PLXDC2: variants seen among roughly 807,000 people sequenced by gnomAD.
The protein encoded by PLXDC2 is plexin domain-containing protein 2.
A neutral mutation model predicts 68.9 loss-of-function variants in PLXDC2; 40 were observed. That is an observed-to-expected ratio of 0.58 (90% CI 0.45 to 0.76). The LOEUF (loss-of-function observed/expected upper bound fraction) is 0.76, where lower values mean the gene tolerates loss of function less well. PLXDC2 is among the 30% of genes least tolerant of loss of function. PLXDC2 has a pLI of 0.00. For synonymous variants in PLXDC2, 243 were observed against 234.2 expected (o/e 1.04, Z -0.34); for missense variants, 644 against 661.9 (o/e 0.97, Z 0.30).
chr10:20,188,003 A>G (rs562398638), intron 9 of PLXDC2, among the ~76,000 whole-genome samples: 3 of 151,646 alleles, frequency 2.0e-5, no homozygotes, highest in East Asian at 1.9e-4. Flanking sequence ...TCAATACTCA[A>G]TTAAATATAT....
chr10:19,939,731 A>T (rs1265232938), intron 1 of PLXDC2, among the ~76,000 whole-genome samples: 1 of 152,208 alleles, frequency 6.6e-6, no homozygotes, highest in African/African-American at 2.4e-5. Context: ...CTTCCTTCAT[A>T]TAATGATGTG....
chr10:20,190,564 T>C (rs902163773), intron 9 of PLXDC2, among the ~76,000 whole-genome samples: 1 of 150,234 alleles, frequency 6.7e-6, no homozygotes, highest in Non-Finnish European at 1.5e-5. Context: ...ACCTGCACGT[T>C]GTGCACATGT....
rs952222645 is a variant in PLXDC2, at chr10:20,140,097, G to A, written c.542-3198G>A. On this transcript the variant is annotated intron_variant, in intron 4 of 13. Transcript: ENST00000377252. Reference sequence around the variant, plus strand: ...AGACAGATCACGAGGTCAGGAGATCGAGACCATCCTGGCTAACACAGTAAA... The same window carrying A: ...AGACAGATCACGAGGTCAGGAGATCAAGACCATCCTGGCTAACACAGTAAA... 2.6e-5 allele frequency among the ~76,000 whole-genome samples: 4 copies of A among 151,974 alleles called. No individual in the cohort carries two copies. The South Asian group carries it at 6.2e-4, about 24-fold the overall frequency.
intron 2 of PLXDC2, among the ~76,000 whole-genome samples, chr10:20,036,430 C>T (rs1050515588): frequency 5.9e-5 from 9 of 152,090 alleles, no homozygotes; most frequent in Non-Finnish European, 1.2e-4. Flanking sequence ...TTCCAGCCTC[C>T]AGAACTGTGA....
rs142916773 is a variant in PLXDC2, at chr10:20,141,488, C to T, written c.542-1807C>T. Among the ~76,000 whole-genome samples the T allele has an allele frequency of 7.6e-3, 1,152 of 152,086 alleles. 4 individuals are homozygous for T. Among genetic ancestry groups the T allele is most frequent in the Non-Finnish European group, 0.011 (775 of 67,906 alleles). Reference sequence around the variant, plus strand: ...AGTTAAGCAGTTTCTTCTATTTGTACTTGGAGAATATAAAGAAGAAAAATA... The same window carrying T: ...AGTTAAGCAGTTTCTTCTATTTGTATTTGGAGAATATAAAGAAGAAAAATA... On this transcript the variant is annotated intron_variant, in intron 4 of 13. Coordinates refer to ENST00000377252, the MANE Select transcript of PLXDC2 (RefSeq NM_032812.9).
At chr10:20,161,055 A>G (rs1380880589) in intron 6 of PLXDC2, among the ~76,000 whole-genome samples, 1 of 152,176 alleles carries the variant, frequency 6.6e-6, no homozygotes, top group Non-Finnish European at 1.5e-5. Context: ...TTTTATGGAG[A>G]AACACCCATA....
At chr10:19,829,119 A>G (rs1836632186) in intron 1 of PLXDC2, among the ~76,000 whole-genome samples, 1 of 142,406 alleles carries the variant, frequency 7.0e-6, no homozygotes, top group African/African-American at 2.7e-5. Flanking sequence ...GAAATTGTGC[A>G]CGTGCTTTTA....
intron 4 of PLXDC2, among the ~76,000 whole-genome samples, chr10:20,091,565 A>G (rs1833277262): frequency 6.6e-6 from 1 of 152,166 alleles, no homozygotes; most frequent in Admixed American, 6.5e-5. Context: ...TCTGTTCAGT[A>G]GGAATTTCAT....
intron 1 of PLXDC2, among the ~76,000 whole-genome samples, chr10:19,875,025 C>T (rs910945732): frequency 2.0e-5 from 3 of 152,140 alleles, no homozygotes; most frequent in Admixed American, 2.0e-4. Flanking sequence ...GAAATGACTT[C>T]TCTGGCACCC....
intron 1 of PLXDC2, among the ~76,000 whole-genome samples, chr10:19,963,439 A>G (rs1834194857): frequency 6.6e-6 from 1 of 152,210 alleles, no homozygotes; most frequent in South Asian, 2.1e-4. Context: ...AGTCTTTGCT[A>G]TTGTGAATAG....
At chr10:19,926,568 C>T (rs1833539786) in intron 1 of PLXDC2, among the ~76,000 whole-genome samples, 3 of 152,024 alleles carry the variant, frequency 2.0e-5, no homozygotes, top group Admixed American at 2.0e-4. Flanking sequence ...TCAAGAATCT[C>T]AGGTGGAAAA....
At chr10:20,088,504 G>A (rs1405721018) in intron 4 of PLXDC2, among the ~76,000 whole-genome samples, 1 of 152,120 alleles carries the variant, frequency 6.6e-6, no homozygotes, top group African/African-American at 2.4e-5. Flanking sequence ...GTTTACATGG[G>A]ACACTGCTGG....
chr10:19,832,211 G>T (rs2131310231), intron 1 of PLXDC2, among the ~76,000 whole-genome samples: 1 of 152,294 alleles, frequency 6.6e-6, no homozygotes, highest in South Asian at 2.1e-4. Flanking sequence ...CTATGCTTCA[G>T]ACATAGCACC....
chr10:19,878,832 TG>T (rs1355774011), intron 1 of PLXDC2, among the ~76,000 whole-genome samples: 3 of 152,312 alleles, frequency 2.0e-5, no homozygotes, highest in Admixed American at 1.3e-4. Context: ...TAAAACGAAC[TG>T]TGGCTTTTTC....
At chr10:19,821,454 A>G (rs992839577) in intron 1 of PLXDC2, among the ~76,000 whole-genome samples, 2 of 152,156 alleles carry the variant, frequency 1.3e-5, no homozygotes, top group Non-Finnish European at 2.9e-5. Context: ...CACTTGCTTG[A>G]TATTGTAGGG....
intron 12 of PLXDC2, among the ~76,000 whole-genome samples, chr10:20,229,282 G>A (rs866924890): frequency 6.6e-6 from 1 of 152,052 alleles, no homozygotes; most frequent in South Asian, 2.1e-4. Flanking sequence ...TGGTGAGAGT[G>A]AGTGGGAAGA....
intron 1 of PLXDC2, among the ~76,000 whole-genome samples, chr10:19,896,887 C>T (rs891208438): frequency 2.6e-5 from 4 of 152,070 alleles, no homozygotes. Flanking sequence ...CTCACAAATC[C>T]CAAAATGTAT....
At chr10:20,278,028 A>G (rs1254632908) in intron 13 of PLXDC2, among the ~76,000 whole-genome samples, 1 of 152,174 alleles carries the variant, frequency 6.6e-6, no homozygotes, top group Admixed American at 6.5e-5. Flanking sequence ...GGATCTCATT[A>G]TTTTTAAGGC....
At chr10:19,917,195 C>T (rs567092462) in intron 1 of PLXDC2, among the ~76,000 whole-genome samples, 256 of 152,084 alleles carry the variant, frequency 1.7e-3, no homozygotes, top group African/African-American at 5.2e-3. Flanking sequence ...TCTGGCAGTG[C>T]GGTGTGAGAA....
Sources: gnomAD v4.1 joint callset for allele counts (sites outside exome capture counted in the v4.1 genomes callset) on GRCh38, gnomAD v4.1.1 for gene constraint, MANE v1.5 for transcripts, NCBI Gene and HGNC (gene_info 2026-07-23, HGNC 2026-07-21) for gene names.